The following ITGA6 variants were observed in gnomAD, a reference collection of about 807,000 sequenced individuals.
ITGA6 encodes the protein integrin alpha-6.
A neutral mutation model predicts 133.6 loss-of-function variants in ITGA6; 63 were observed. That is an observed-to-expected ratio of 0.47 (90% confidence interval 0.38 to 0.58). ITGA6 has a LOEUF of 0.58. Ranked by LOEUF, ITGA6 falls within the 20% of genes least tolerant of loss-of-function variation. The pLI, the probability that ITGA6 is intolerant of heterozygous loss-of-function variation, is 0.00. For missense variants in ITGA6, 1,068 were observed against 1,309.4 expected (o/e 0.82, Z 2.85); for synonymous variants, 434 against 482.0 (o/e 0.90, Z 1.30).
chr2:172,489,390 A>G (rs1002543092), intron 19 of ITGA6, 95 bp from the exon 20 acceptor site: 2 of 949,520 alleles, frequency 2.1e-6, no homozygotes, highest in Non-Finnish European at 3.4e-6. Flanking sequence ...GGATTACGTT[A>G]GATATTTTAG....
Position 172,491,443 on chromosome 2 carries a change from T to G in ITGA6, c.2908T>G (p.Tyr970Asp). The G allele has an allele frequency of 6.2e-7, 1 of 1,613,582 alleles. No homozygotes were observed. The highest frequency in any genetic ancestry group is 8.5e-7 in the Non-Finnish European group (1 of 1,179,570). The change falls in exon 23 of 26, where the codon TAC becomes GAC. Residue 970 changes from tyrosine (Y) to aspartate (D), a missense_variant. By Grantham distance (160) the Tyr-to-Asp change is radical (BLOSUM62 -3). Transcript: ENST00000684293. The surrounding 1 kb of genome is among the most constrained non-coding windows in gnomAD (Gnocchi z 4.4). ...CAAACAGGAATATTCCAAACTGAAC[T>G]ACTTGGACATTCTCATGCGAGCCTT... is the stretch of plus-strand genomic sequence containing the variant. ...TFLEEYSKLNYLDILMRAFID... is the reference protein window; with the variant it reads ...TFLEEYSKLNDLDILMRAFID...
At position 172,487,718 on chromosome 2, in the gene ITGA6, G is replaced by GT. The variant is rs746830225; in HGVS notation, c.2245-3dup. 24 of 1,607,948 alleles carry GT rather than the reference G, an allele frequency of 1.5e-5. No homozygotes were observed. The highest frequency in any genetic ancestry group is 2.0e-5 in the Non-Finnish European group (23 of 1,174,584). ...ATGGCCTGTGTTAACAGCTATTTAT[G>GT]TTTTTTTAGGTCACTTTTTATTTGG... On this transcript the variant is annotated splice_polypyrimidine_tract_variant and intron_variant, in intron 16 of 25. Transcript: ENST00000684293.
intron 20 of ITGA6, 100 bp from the exon 21 acceptor site, chr2:172,490,924 G>A: frequency 3.9e-6 from 3 of 760,790 alleles, no homozygotes; most frequent in Admixed American, 1.9e-5. Context: ...TGTTGATTAT[G>A]TGAATCTGGC....
chr2:172,503,799 T>C (rs1371425023), intron 25 of ITGA6: 1 of 210,006 alleles, frequency 4.8e-6, no homozygotes, highest in Non-Finnish European at 9.4e-6. Context: ...GGAAGCACTG[T>C]TTTCATAAAC....
rs1255520202 is a variant in ITGA6, at chr2:172,468,220, G to A, written c.387+660G>A. 6.6e-5 allele frequency among the ~76,000 whole-genome samples: 10 copies of A among 152,250 alleles called. 1 individual carries two copies. The South Asian group carries it at 1.2e-3, about 19-fold the overall frequency. On this transcript the variant is annotated intron_variant, in intron 3 of 25. Coordinates refer to ENST00000684293, the MANE Select transcript of ITGA6 (RefSeq NM_000210.4). ...CATGGTCTTAGAAAGTAATAACCAG[G>A]TAGTTTTAACCTCTTGTTATTTATT...
intron 13 of ITGA6, among the ~76,000 whole-genome samples, chr2:172,485,886 A>G (rs1257734610): frequency 6.6e-6 from 1 of 152,120 alleles, no homozygotes; most frequent in Non-Finnish European, 1.5e-5. Context: ...TCAAAATCTA[A>G]TTGATGATGA....
intron 3 of ITGA6, 71 bp downstream of exon 3, chr2:172,467,631 CA>C (rs1685738318): frequency 9.0e-7 from 1 of 1,116,854 alleles, no homozygotes; most frequent in African/African-American, 1.5e-5. Context: ...AGGCTTACAG[CA>C]GGGGACAGCA....
In ITGA6 at chr2:172,474,024, G is replaced by A. The variant is rs180984282; in HGVS notation, c.776-31G>A. 7 of 1,478,924 alleles carry A rather than the reference G, an allele frequency of 4.7e-6. No homozygotes were observed. The East Asian group carries it at 1.4e-4, about 29-fold the overall frequency. 91.6% of individuals were successfully genotyped at this position (1,478,924 alleles called of 1,614,324 possible). Reference sequence around the variant, plus strand: ...ATAGGCCTAAAATATATGGATTGATGTGAGGGGCTCTATATATTTTGTTTT... The same window carrying A: ...ATAGGCCTAAAATATATGGATTGATATGAGGGGCTCTATATATTTTGTTTT... On this transcript the variant is annotated intron_variant, in intron 5 of 25. Coordinates refer to ENST00000684293, the MANE Select transcript of ITGA6 (RefSeq NM_000210.4).
At chr2:172,469,008 C>T in intron 3 of ITGA6, 117 bp from the exon 4 acceptor site, 1 of 1,105,112 alleles carries the variant, frequency 9.0e-7, no homozygotes, top group Non-Finnish European at 1.4e-6. Context: ...AAGATGAGGA[C>T]ATGCTTAATC....
intron 11 of ITGA6, among the ~76,000 whole-genome samples, chr2:172,483,934 C>T (rs1190345071): frequency 6.6e-6 from 1 of 152,206 alleles, no homozygotes; most frequent in Non-Finnish European, 1.5e-5. Flanking sequence ...CCTCAGCCTC[C>T]CGAGTAGCTG....
intron 1 of ITGA6, among the ~76,000 whole-genome samples, chr2:172,440,570 A>G (rs1422572372): frequency 1.3e-5 from 2 of 152,204 alleles, no homozygotes; most frequent in African/African-American, 4.8e-5. Context: ...GTGCTGTATC[A>G]TTTAGTACTA....
At chr2:172,439,446 T>TACA (rs1684453386) in intron 1 of ITGA6, among the ~76,000 whole-genome samples, 1 of 151,828 alleles carries the variant, frequency 6.6e-6, no homozygotes, top group Admixed American at 6.6e-5. Flanking sequence ...AAATAGAATA[T>TACA]CTTTGGAATT....
chr2:172,494,768 CAAATT>C (rs1449652220), intron 23 of ITGA6, among the ~76,000 whole-genome samples: 2 of 152,116 alleles, frequency 1.3e-5, no homozygotes, highest in Non-Finnish European at 2.9e-5. Flanking sequence ...AAAACACTGT[CAAATT>C]AGCCAGGGAA....
chr2:172,438,140 TTTTG>T (rs1174232826), intron 1 of ITGA6, among the ~76,000 whole-genome samples: 1 of 151,630 alleles, frequency 6.6e-6, no homozygotes, highest in Non-Finnish European at 1.5e-5. Flanking sequence ...TTTTGTTTCG[TTTTG>T]TTTAAGATGG....
chr2:172,470,262 C>G (rs553851164), intron 4 of ITGA6, among the ~76,000 whole-genome samples: 1 of 152,270 alleles, frequency 6.6e-6, no homozygotes, highest in South Asian at 2.1e-4. Flanking sequence ...CCCACCTCCA[C>G]CCCAACAGAA....
At chr2:172,493,497 G>A (rs2357635) in intron 23 of ITGA6, among the ~76,000 whole-genome samples, 79,174 of 151,870 alleles carry the variant, frequency 0.52, 22,225 homozygotes, top group East Asian at 0.87. Flanking sequence ...TAAAATGTCT[G>A]CAGCTTACTA....
intron 5 of ITGA6, among the ~76,000 whole-genome samples, chr2:172,473,298 C>T (rs1237993060): frequency 6.6e-6 from 1 of 152,188 alleles, no homozygotes. Flanking sequence ...TGACATCCTA[C>T]CTGATGCTTT....
chr2:172,429,176 T>C (rs1237048028), intron 1 of ITGA6, among the ~76,000 whole-genome samples: 1 of 76,878 alleles, frequency 1.3e-5, no homozygotes, highest in South Asian at 7.0e-4. Context: ...TTTTAGTCAG[T>C]TTTTTTTTTT....
At chr2:172,492,091 C>T (rs941128669) in intron 23 of ITGA6, among the ~76,000 whole-genome samples, 1 of 152,224 alleles carries the variant, frequency 6.6e-6, no homozygotes, top group Non-Finnish European at 1.5e-5. Context: ...ACATTGGGCA[C>T]AGCTGAACTG....
Sources: allele counts gnomAD v4.1 joint callset (sites outside exome capture counted in the v4.1 genomes callset), GRCh38; gene constraint gnomAD v4.1.1; non-coding constraint Gnocchi (gnomAD v3.1); transcripts MANE v1.5; gene names NCBI Gene and HGNC (gene_info 2026-07-23, HGNC 2026-07-21).